Variants in AKAP12 observed in about 807,000 individuals in gnomAD.
The protein encoded by AKAP12 is A-kinase anchoring protein 12.
Under a neutral mutation model 79.9 loss-of-function variants are expected in AKAP12, and 32 were observed. The observed-to-expected ratio is 0.40, with a 90% CI of 0.30 to 0.54. The LOEUF (loss-of-function observed/expected upper bound fraction) is 0.54. AKAP12 is among the 20% of genes least tolerant of loss of function. AKAP12 has a pLI of 0.48. For synonymous variants in AKAP12, 808 were observed against 857.0 expected, an observed-to-expected ratio of 0.94 and a Z score of 1.00; for missense variants, 2,074 against 2,177.0, an observed-to-expected ratio of 0.95 and a Z score of 0.94.
chr6:151,268,469 T>G (rs977437375), intron 2 of AKAP12, among the ~76,000 whole-genome samples: 1 of 152,162 alleles, frequency 6.6e-6, no homozygotes, highest in African/African-American at 2.4e-5. Flanking sequence ...AATATATGTA[T>G]TTAAGGCAAA....
chr6:151,277,336 G>A (rs1276060533), intron 2 of AKAP12, among the ~76,000 whole-genome samples: 15 of 152,102 alleles, frequency 9.9e-5, no homozygotes, highest in Admixed American at 9.2e-4. Flanking sequence ...TATCTTTTGG[G>A]GGAGAGGAGT....
chr6:151,263,202 A>T (rs1026720439), intron 2 of AKAP12, among the ~76,000 whole-genome samples: 1 of 152,058 alleles, frequency 6.6e-6, no homozygotes, highest in Non-Finnish European at 1.5e-5. Flanking sequence ...TGCCTGGCTA[A>T]TTTATACATT....
Position 151,352,295 on chromosome 6 carries a change from G to A in AKAP12, c.3904G>A (p.Val1302Ile). The stretch of plus-strand genomic sequence containing the variant: ...AGTCAGTCGGGAAAAGGTCACTGAA[G>A]TTGCCCTTAAAGGTGAAGGGACAGA... ...ITVSREKVTEVALKGEGTEEA... is the reference protein window; with the variant it reads ...ITVSREKVTEIALKGEGTEEA... The change falls in exon 4 of 5, where the codon GTT becomes ATT. Residue 1302 changes from valine (V) to isoleucine (I), a missense_variant. Transcript: ENST00000402676. The A allele has an allele frequency of 6.2e-7, 1 of 1,614,204 alleles. No homozygotes were observed. The highest frequency in any genetic ancestry group is 8.5e-7 in the Non-Finnish European group (1 of 1,180,050).
At chr6:151,328,424 G>A (rs969436887) in intron 3 of AKAP12, among the ~76,000 whole-genome samples, 25 of 151,550 alleles carry the variant, frequency 1.6e-4, no homozygotes, top group African/African-American at 5.8e-4. Context: ...GGATCACGAG[G>A]TCAGGAGTAC....
chr6:151,253,448 G>A (rs1192201588), intron 2 of AKAP12, among the ~76,000 whole-genome samples: 2 of 151,412 alleles, frequency 1.3e-5, no homozygotes, highest in African/African-American at 4.9e-5. Context: ...GGCTGGTCTC[G>A]AATTCTTGGG....
At chr6:151,257,166 C>T (rs1797318803) in intron 2 of AKAP12, among the ~76,000 whole-genome samples, 2 of 152,006 alleles carry the variant, frequency 1.3e-5, no homozygotes, top group Non-Finnish European at 1.5e-5. Context: ...AGGTGCTGAG[C>T]GTAGTACCTA....
chr6:151,268,943 C>CTGTT (rs1159499984), intron 2 of AKAP12, among the ~76,000 whole-genome samples: 1 of 84,896 alleles, frequency 1.2e-5, no homozygotes, highest in African/African-American at 4.0e-5. Flanking sequence ...CGTGCTCGGC[C>CTGTT]TGTTTTTTTT....
At chr6:151,282,441 C>T (rs1488369868) in intron 2 of AKAP12, among the ~76,000 whole-genome samples, 1 of 152,118 alleles carries the variant, frequency 6.6e-6, no homozygotes, top group Non-Finnish European at 1.5e-5. Context: ...CTCCAGCTCA[C>T]GCATGGGGGT....
chr6:151,325,124 A>G (rs1777490529), intron 3 of AKAP12: 10 of 985,424 alleles, frequency 1.0e-5, no homozygotes, highest in Non-Finnish European at 1.2e-5. Flanking sequence ...GAGTTTAGGA[A>G]ACAGCACTAC....
At chr6:151,324,563 C>T in intron 3 of AKAP12, 1 of 985,384 alleles carries the variant, frequency 1.0e-6, no homozygotes. Flanking sequence ...CTCCTCCCTG[C>T]CCCAAGCAAT....
At chr6:151,261,000 C>T (rs993243945) in intron 2 of AKAP12, among the ~76,000 whole-genome samples, 4 of 152,066 alleles carry the variant, frequency 2.6e-5, no homozygotes, top group Non-Finnish European at 5.9e-5. Flanking sequence ...TATATTCCTC[C>T]ATACTTTTCC....
intron 3 of AKAP12, among the ~76,000 whole-genome samples, chr6:151,315,215 G>A (rs1777209117): frequency 6.6e-6 from 1 of 152,190 alleles, no homozygotes; most frequent in African/African-American, 2.4e-5. Flanking sequence ...CTTAGACCAG[G>A]TAATTTATAA....
At chr6:151,257,975 T>C (rs765854671) in intron 2 of AKAP12, among the ~76,000 whole-genome samples, 12 of 152,214 alleles carry the variant, frequency 7.9e-5, no homozygotes, top group Non-Finnish European at 1.6e-4. Context: ...TTTTTATTTT[T>C]TGGTCTCCAG....
intron 3 of AKAP12, among the ~76,000 whole-genome samples, chr6:151,339,422 C>A (rs2114805841): frequency 1.3e-5 from 2 of 152,324 alleles, no homozygotes; most frequent in South Asian, 4.2e-4. Flanking sequence ...TTTAAAAAGA[C>A]TGTTTTTAAG....
chr6:151,311,114 TG>T (rs1777090197), intron 3 of AKAP12, among the ~76,000 whole-genome samples: 1 of 152,332 alleles, frequency 6.6e-6, no homozygotes, highest in South Asian at 2.1e-4. Context: ...ACTAGAGGCA[TG>T]TGCCACTGCG....
intron 2 of AKAP12, among the ~76,000 whole-genome samples, chr6:151,291,411 A>G (rs1287555618): frequency 6.6e-6 from 1 of 152,176 alleles, no homozygotes; most frequent in Non-Finnish European, 1.5e-5. Flanking sequence ...GTCCTGGGCT[A>G]TGCCAGATCC....
At chr6:151,316,553 G>A (rs1173371676) in intron 3 of AKAP12, among the ~76,000 whole-genome samples, 1 of 152,140 alleles carries the variant, frequency 6.6e-6, no homozygotes, top group African/African-American at 2.4e-5. Flanking sequence ...GCAGACGGCC[G>A]CCTTCTCACT....
intron 2 of AKAP12, among the ~76,000 whole-genome samples, chr6:151,302,797 T>C (rs1419447587): frequency 6.6e-6 from 1 of 152,210 alleles, no homozygotes; most frequent in Non-Finnish European, 1.5e-5. Flanking sequence ...GGTTACCATG[T>C]AGCCCACGAT....
intron 2 of AKAP12, among the ~76,000 whole-genome samples, chr6:151,266,358 A>G (rs1308721855): frequency 3.3e-5 from 5 of 152,088 alleles, no homozygotes; most frequent in Non-Finnish European, 5.9e-5. Context: ...TCAAACTTAG[A>G]TATGGTGCCA....
Sources: allele counts gnomAD v4.1 joint callset (sites outside exome capture counted in the v4.1 genomes callset), GRCh38; gene constraint gnomAD v4.1.1; transcripts MANE v1.5; gene names NCBI Gene and HGNC (gene_info 2026-07-23, HGNC 2026-07-21).